The following PHF14 variants were observed in gnomAD, a reference collection of about 807,000 sequenced individuals.
The protein encoded by PHF14 is PHD finger protein 14.
Under a neutral mutation model 117.9 loss-of-function variants are expected in PHF14, and 55 were observed. The observed-to-expected ratio is 0.47, with a 90% CI of 0.38 to 0.58. The LOEUF (loss-of-function observed/expected upper bound fraction) is 0.58. Ranked by LOEUF, PHF14 falls within the 20% of genes least tolerant of loss-of-function variation. The pLI is 0.00. For missense variants in PHF14, 978 were observed against 1,122.2 expected (o/e 0.87, Z 1.84); for synonymous variants, 409 against 368.6 (o/e 1.11, Z -1.26).
In PHF14 at chr7:10,974,135, C is replaced by T. The variant is rs1255192941; in HGVS notation, c.-189C>T. The T allele has an allele frequency of 1.7e-6, 1 of 571,894 alleles. No homozygotes were observed. Among genetic ancestry groups the T allele is most frequent in the Non-Finnish European group, 3.1e-6 (1 of 319,844 alleles). The allele number at this position is 571,894 out of a possible 1,614,324, so 35.4% of individuals were successfully genotyped here. A position where few individuals can be genotyped will look rare whatever the true frequency, so the allele number is the denominator to read the frequency against. Reference sequence around the variant, plus strand: ...TCGAGCGGCCAGGGCCAGGCGAGGCCGGGGGGGCGGGGGGTTAGGGGACCG... The same window carrying T: ...TCGAGCGGCCAGGGCCAGGCGAGGCTGGGGGGGCGGGGGGTTAGGGGACCG... On this transcript the variant is annotated 5_prime_UTR_variant, in exon 1 of 18. Coordinates refer to ENST00000634607, the MANE Select transcript of PHF14 (RefSeq NM_001007157.2).
intron 17 of PHF14, among the ~76,000 whole-genome samples, chr7:11,131,225 GAGTGTGT>G (rs1788083398): frequency 6.6e-6 from 1 of 151,870 alleles, no homozygotes; most frequent in Non-Finnish European, 1.5e-5. Flanking sequence ...CATATGGTAA[GAGTGTGT>G]TTGGCTGCCA....
At chr7:10,985,538 C>A (rs1212799104) in intron 3 of PHF14, among the ~76,000 whole-genome samples, 1 of 150,710 alleles carries the variant, frequency 6.6e-6, no homozygotes, top group Middle Eastern at 3.4e-3. Context: ...TTAGCAGGGC[C>A]CTTTTATAAT....
At chr7:10,988,971 G>A (rs2128309724) in intron 3 of PHF14, among the ~76,000 whole-genome samples, 1 of 152,180 alleles carries the variant, frequency 6.6e-6, no homozygotes, top group Middle Eastern at 3.4e-3. Flanking sequence ...GAAAATCTGG[G>A]CAGATTTTTG....
chr7:11,040,565 C>T, intron 11 of PHF14, 107 bp from the exon 12 acceptor site: 1 of 441,452 alleles, frequency 2.3e-6, no homozygotes, highest in Non-Finnish European at 4.0e-6. Flanking sequence ...GCAGATTTCC[C>T]CCTAACAATC....
chr7:11,069,464 C>G (rs566780463), intron 16 of PHF14, among the ~76,000 whole-genome samples: 1 of 152,236 alleles, frequency 6.6e-6, no homozygotes, highest in South Asian at 2.1e-4. Flanking sequence ...TCCCCTCTGT[C>G]CCAGGGAGGC....
intron 17 of PHF14, among the ~76,000 whole-genome samples, chr7:11,115,914 A>G (rs1787589052): frequency 6.6e-6 from 1 of 152,016 alleles, no homozygotes; most frequent in African/African-American, 2.4e-5. Flanking sequence ...TGATAAGAAT[A>G]CCACAGATGT....
chr7:11,165,584 C>T (rs1789178691), intron 17 of PHF14, among the ~76,000 whole-genome samples: 1 of 152,084 alleles, frequency 6.6e-6, no homozygotes, highest in South Asian at 2.1e-4. Context: ...GTTATCTGTA[C>T]TCATAGAGTG....
At chr7:11,147,516 CTCTT>C (rs1167788730) in intron 17 of PHF14, among the ~76,000 whole-genome samples, 1 of 152,192 alleles carries the variant, frequency 6.6e-6, no homozygotes, top group African/African-American at 2.4e-5. Context: ...CACTTACAAT[CTCTT>C]TCTTATCAGA....
chr7:11,122,895 C>T (rs1223489296), intron 17 of PHF14, among the ~76,000 whole-genome samples: 1 of 152,144 alleles, frequency 6.6e-6, no homozygotes, highest in Non-Finnish European at 1.5e-5. Context: ...TGCCCAGCTG[C>T]ATGTCCAGGA....
intron 16 of PHF14, among the ~76,000 whole-genome samples, chr7:11,066,820 C>T (rs547312390): frequency 6.6e-6 from 1 of 152,284 alleles, no homozygotes; most frequent in Admixed American, 6.5e-5. Flanking sequence ...ATTACTCAGG[C>T]TGTGGAGTAA....
chr7:10,978,720 A>G (rs1781951152), intron 2 of PHF14, among the ~76,000 whole-genome samples: 1 of 152,128 alleles, frequency 6.6e-6, no homozygotes, highest in Non-Finnish European at 1.5e-5. Flanking sequence ...TGCCAGTAGC[A>G]TCTTTCCTAC....
intron 16 of PHF14, among the ~76,000 whole-genome samples, chr7:11,075,590 T>TA (rs1785815786): frequency 2.1e-5 from 2 of 95,368 alleles, no homozygotes; most frequent in African/African-American, 8.2e-5. Flanking sequence ...TTTTTTTTTT[T>TA]ATTATTATGC....
At chr7:10,993,019 A>G (rs1320928663) in intron 4 of PHF14, among the ~76,000 whole-genome samples, 4 of 152,126 alleles carry the variant, frequency 2.6e-5, no homozygotes, top group Non-Finnish European at 4.4e-5. Context: ...CGGAAGTTAT[A>G]TAGTGTTCTT....
chr7:11,072,831 G>T (rs932213343), intron 16 of PHF14, among the ~76,000 whole-genome samples: 1 of 152,212 alleles, frequency 6.6e-6, no homozygotes, highest in Non-Finnish European at 1.5e-5. Flanking sequence ...CATGGTGGAA[G>T]GCAAAGGGTG....
intron 17 of PHF14, among the ~76,000 whole-genome samples, chr7:11,146,773 CAT>C (rs1355665827): frequency 2.0e-5 from 3 of 152,102 alleles, no homozygotes; most frequent in Non-Finnish European, 2.9e-5. Context: ...GATGATGAAA[CAT>C]GTTCTGTTTA....
At chr7:11,131,716 T>G (rs1264697750) in intron 17 of PHF14, among the ~76,000 whole-genome samples, 1 of 151,934 alleles carries the variant, frequency 6.6e-6, no homozygotes, top group Non-Finnish European at 1.5e-5. Context: ...ACCTAGATTT[T>G]CTACTATGTT....
intron 4 of PHF14, among the ~76,000 whole-genome samples, chr7:11,007,420 T>C (rs1436965867): frequency 6.6e-6 from 1 of 152,020 alleles, no homozygotes; most frequent in Non-Finnish European, 1.5e-5. Context: ...AGATTTTTTT[T>C]CCCCCTTAAC....
chr7:11,115,887 G>T (rs757149531), intron 17 of PHF14, among the ~76,000 whole-genome samples: 29 of 151,942 alleles, frequency 1.9e-4, no homozygotes, highest in Non-Finnish European at 3.2e-4. Context: ...TTGTGGTTTA[G>T]ATTCATTATG....
intron 16 of PHF14, among the ~76,000 whole-genome samples, chr7:11,087,556 G>T (rs573425157): frequency 2.0e-5 from 3 of 152,068 alleles, no homozygotes; most frequent in African/African-American, 7.2e-5. Flanking sequence ...TATGATATTG[G>T]GCCATAATCT....
Sources: gnomAD v4.1 joint callset for allele counts (sites outside exome capture counted in the v4.1 genomes callset) on GRCh38, gnomAD v4.1.1 for gene constraint, MANE v1.5 for transcripts, NCBI Gene and HGNC (gene_info 2026-07-23, HGNC 2026-07-21) for gene names.